The following GRM1 variants were observed in gnomAD, a reference collection of about 807,000 sequenced individuals.
GRM1 encodes the protein glutamate metabotropic receptor 1.
A neutral mutation model predicts 90.9 loss-of-function variants in GRM1; 33 were observed. The ratio of observed to expected loss-of-function variants is 0.36; its 90% CI spans 0.28 to 0.49. The LOEUF (loss-of-function observed/expected upper bound fraction) is 0.49. Ranked by LOEUF, GRM1 falls within the 20% of genes least tolerant of loss-of-function variation. The pLI, the probability that GRM1 is intolerant of heterozygous loss-of-function variation, is 0.99. For missense variants in GRM1, 1,190 were observed against 1,534.3 expected (o/e 0.78, Z 3.75); for synonymous variants, 700 against 613.2 (o/e 1.14, Z -2.09).
chr6:146,107,735 G>C (rs185336861), intron 1 of GRM1, among the ~76,000 whole-genome samples: 1 of 152,078 alleles, frequency 6.6e-6, no homozygotes, highest in Non-Finnish European at 1.5e-5. Flanking sequence ...TGGAGTCTGC[G>C]AGTTACCTTC....
At chr6:146,052,389 T>C (rs747664343) in intron 1 of GRM1, among the ~76,000 whole-genome samples, 18 of 152,156 alleles carry the variant, frequency 1.2e-4, no homozygotes, top group South Asian at 2.1e-4. Flanking sequence ...TTAAAACCTA[T>C]AGATGCCCAG....
chr6:146,037,195 G>A (rs1346248539), intron 1 of GRM1, among the ~76,000 whole-genome samples: 1 of 151,884 alleles, frequency 6.6e-6, no homozygotes, highest in Non-Finnish European at 1.5e-5. Flanking sequence ...CCACCAAAGC[G>A]ATGACTTCTT....
chr6:146,305,819 A>G (rs1162041152), intron 3 of GRM1, among the ~76,000 whole-genome samples: 1 of 152,190 alleles, frequency 6.6e-6, no homozygotes, highest in Non-Finnish European at 1.5e-5. Context: ...ACAAAGGGGG[A>G]TAGAGAAGCG....
In GRM1 at chr6:146,308,346, G is replaced by T. The variant is rs575612987; in HGVS notation, c.1186+3500G>T. Among the ~76,000 whole-genome samples the T allele has an allele frequency of 1.6e-4, 24 of 152,116 alleles. No individual in the cohort carries two copies. In the East Asian group the frequency reaches 3.7e-3, roughly 23 times the overall value. ...ATGAATTAAATGAAATAACACAAAT[G>T]AACTACTTTACAATAAAATAATACA... On this transcript the variant is annotated intron_variant, in intron 3 of 7. Coordinates refer to ENST00000282753, the MANE Select transcript of GRM1 (RefSeq NM_001278064.2).
At chr6:146,204,919 C>G (rs1165549888) in intron 2 of GRM1, among the ~76,000 whole-genome samples, 1 of 152,010 alleles carries the variant, frequency 6.6e-6, no homozygotes, top group African/African-American at 2.4e-5. Flanking sequence ...AAGATATATC[C>G]TCACATTCTA....
chr6:146,198,254 C>T (rs530878245), intron 2 of GRM1, among the ~76,000 whole-genome samples: 3 of 152,274 alleles, frequency 2.0e-5, no homozygotes, highest in Admixed American at 6.5e-5. Context: ...AGGCATCTGG[C>T]GGAGTCTATG....
intron 2 of GRM1, chr6:146,171,891 A>G (rs1040387460): frequency 4.4e-6 from 1 of 227,426 alleles, no homozygotes; most frequent in Admixed American, 4.4e-5. Context: ...TTTTCCAGCC[A>G]CCAGCCTCTA....
At chr6:146,199,261 C>T (rs770428552) in intron 2 of GRM1, among the ~76,000 whole-genome samples, 9 of 152,142 alleles carry the variant, frequency 5.9e-5, no homozygotes, top group African/African-American at 1.2e-4. Context: ...TTGCTCAGCT[C>T]TTTATTCCTT....
intron 2 of GRM1, among the ~76,000 whole-genome samples, chr6:146,251,126 C>T (rs1781253919): frequency 6.6e-6 from 1 of 152,196 alleles, no homozygotes; most frequent in African/African-American, 2.4e-5. Context: ...TAGTGGCCAT[C>T]TATCTCTTTC....
At chr6:146,359,525 T>C (rs968845999) in intron 5 of GRM1, among the ~76,000 whole-genome samples, 8 of 152,168 alleles carry the variant, frequency 5.3e-5, no homozygotes, top group African/African-American at 1.9e-4. Flanking sequence ...AGGTTATATA[T>C]GGAAAAAATA....
intron 1 of GRM1, among the ~76,000 whole-genome samples, chr6:146,127,981 C>T (rs1267651808): frequency 1.3e-5 from 2 of 152,146 alleles, no homozygotes; most frequent in African/African-American, 4.8e-5. Context: ...TCACAAGCCT[C>T]CCTGGCAGTT....
At chr6:146,097,543 G>A (rs1235031231) in intron 1 of GRM1, among the ~76,000 whole-genome samples, 1 of 152,146 alleles carries the variant, frequency 6.6e-6, no homozygotes, top group Admixed American at 6.6e-5. Flanking sequence ...TCACGTTATA[G>A]CCAGTTTAAC....
chr6:146,355,907 A>G (rs1255675606), intron 4 of GRM1, among the ~76,000 whole-genome samples: 1 of 152,214 alleles, frequency 6.6e-6, no homozygotes, highest in African/African-American at 2.4e-5. Context: ...GTCAAGCACA[A>G]AGAGCAAGAG....
chr6:146,243,172 G>T (rs1386425141), intron 2 of GRM1, among the ~76,000 whole-genome samples: 1 of 152,100 alleles, frequency 6.6e-6, no homozygotes, highest in Non-Finnish European at 1.5e-5. Flanking sequence ...TTAGCATGAA[G>T]AGTGTCATAA....
intron 1 of GRM1, among the ~76,000 whole-genome samples, chr6:146,145,954 A>G: frequency 6.6e-6 from 1 of 152,004 alleles, no homozygotes; most frequent in Non-Finnish European, 1.5e-5. Context: ...CACTGGACAT[A>G]TAGTTAAAGG....
intron 5 of GRM1, among the ~76,000 whole-genome samples, chr6:146,374,493 G>C (rs1327245441): frequency 6.6e-6 from 1 of 152,072 alleles, no homozygotes; most frequent in East Asian, 1.9e-4. Flanking sequence ...AAGCAAACAG[G>C]TCCCTGGCTT....
chr6:146,045,898 T>C (rs1791313308), intron 1 of GRM1, among the ~76,000 whole-genome samples: 1 of 151,952 alleles, frequency 6.6e-6, no homozygotes, highest in African/African-American at 2.4e-5. Context: ...ACAGATGTTA[T>C]ATTTTTCTCA....
chr6:146,358,355 C>A (rs1305748510), intron 5 of GRM1, among the ~76,000 whole-genome samples: 2 of 152,146 alleles, frequency 1.3e-5, no homozygotes, highest in Admixed American at 1.3e-4. Context: ...AGCATGGAGG[C>A]AACACTCTCT....
In GRM1 at chr6:146,268,221, A is replaced by T. The variant is rs77214336; in HGVS notation, c.951-36390A>T. 2.1e-3 allele frequency among the ~76,000 whole-genome samples: 318 copies of T among 152,330 alleles called. 8 individuals are homozygous for T. In the East Asian group the frequency reaches 0.039, roughly 19 times the overall value. On this transcript the variant is annotated intron_variant, in intron 2 of 7. Transcript: ENST00000282753. Reference sequence around the variant, plus strand: ...TGTAAGTAATTGACACACATTTTTTAAAATGACTGAACATATAAAAATGTT... The same window carrying T: ...TGTAAGTAATTGACACACATTTTTTTAAATGACTGAACATATAAAAATGTT...
Sources: allele counts gnomAD v4.1 joint callset (sites outside exome capture counted in the v4.1 genomes callset), GRCh38; gene constraint gnomAD v4.1.1; transcripts MANE v1.5; gene names NCBI Gene and HGNC (gene_info 2026-07-23, HGNC 2026-07-21).